The following ENTREP2 variants were observed in gnomAD, a reference collection of about 807,000 sequenced individuals.
ENTREP2 encodes the protein protein ENTREP2.
chr15:29,514,162 A>C, the ENTREP2 span, among the ~76,000 whole-genome samples: 1 of 152,182 alleles, frequency 6.6e-6, no homozygotes, highest in East Asian at 1.9e-4. Context: ...ACCCTGTTTG[A>C]CAACAGATCT....
the ENTREP2 span, among the ~76,000 whole-genome samples, chr15:29,151,478 C>T: frequency 1.3e-5 from 2 of 152,204 alleles, no homozygotes; most frequent in African/African-American, 4.8e-5. Context: ...CTCAAGGGCA[C>T]ATGCCAGGGG....
chr15:29,598,984 C>T, the ENTREP2 span, among the ~76,000 whole-genome samples: 6 of 152,226 alleles, frequency 3.9e-5, no homozygotes, highest in East Asian at 1.9e-4. Flanking sequence ...GCATGAGCCA[C>T]GGCGCCTGGC....
chr15:29,351,176 T>C, the ENTREP2 span, among the ~76,000 whole-genome samples: 1 of 152,216 alleles, frequency 6.6e-6, no homozygotes, highest in Non-Finnish European at 1.5e-5. Context: ...TGTAGCCTAT[T>C]GCTCCTGGGC....
the ENTREP2 span, among the ~76,000 whole-genome samples, chr15:29,144,884 A>G: frequency 6.6e-6 from 1 of 151,842 alleles, no homozygotes; most frequent in African/African-American, 2.4e-5. Flanking sequence ...TACTAAAAAT[A>G]AAAAAAATAA....
the ENTREP2 span, among the ~76,000 whole-genome samples, chr15:29,581,159 T>A: frequency 2.6e-5 from 4 of 152,168 alleles, no homozygotes; most frequent in Admixed American, 2.0e-4. Context: ...GATTTAGTGA[T>A]GTAAGTGTGG....
At chr15:29,230,244 C>A in the ENTREP2 span, among the ~76,000 whole-genome samples, 1 of 152,170 alleles carries the variant, frequency 6.6e-6, no homozygotes, top group Admixed American at 6.5e-5. Flanking sequence ...CGTTTCCAAT[C>A]TTATTTCTTC....
At chr15:29,536,898 G>C in the ENTREP2 span, among the ~76,000 whole-genome samples, 1 of 152,082 alleles carries the variant, frequency 6.6e-6, no homozygotes, top group Admixed American at 6.6e-5. Flanking sequence ...ACCACCAGAA[G>C]CCAGGAGAAA....
chr15:29,543,023 C>T, the ENTREP2 span, among the ~76,000 whole-genome samples: 1 of 152,196 alleles, frequency 6.6e-6, no homozygotes, highest in South Asian at 2.1e-4. Flanking sequence ...TTGGTTGATG[C>T]TGTTATGAAC....
the ENTREP2 span, among the ~76,000 whole-genome samples, chr15:29,287,664 G>A: frequency 2.6e-5 from 4 of 152,132 alleles, no homozygotes; most frequent in East Asian, 3.8e-4. Context: ...GACATGCTAC[G>A]GTAAAGATAT....
chr15:29,474,421 A>G, the ENTREP2 span, among the ~76,000 whole-genome samples: 2,064 of 152,232 alleles, frequency 0.014, 38 homozygotes, highest in African/African-American at 0.047. Flanking sequence ...AACACATTAA[A>G]ACACAAATGA....
chr15:29,422,836 T>C, the ENTREP2 span, among the ~76,000 whole-genome samples: 2 of 152,174 alleles, frequency 1.3e-5, no homozygotes, highest in Non-Finnish European at 2.9e-5. Flanking sequence ...GGATGGAACT[T>C]GTACTCCATG....
the ENTREP2 span, among the ~76,000 whole-genome samples, chr15:29,599,774 T>A: frequency 6.6e-6 from 1 of 152,202 alleles, no homozygotes; most frequent in Non-Finnish European, 1.5e-5. Context: ...GTCAACTTTT[T>A]CAAGTTCAAA....
At chr15:29,618,360 T>C in the ENTREP2 span, among the ~76,000 whole-genome samples, 1 of 151,072 alleles carries the variant, frequency 6.6e-6, no homozygotes, top group African/African-American at 2.4e-5. Context: ...GAGGCGGAGG[T>C]TGCAGTGAGC....
the ENTREP2 span, among the ~76,000 whole-genome samples, chr15:29,388,602 C>A: frequency 6.6e-6 from 1 of 152,296 alleles, no homozygotes; most frequent in Non-Finnish European, 1.5e-5. Context: ...TTGACCCAGA[C>A]ATCCCATTAC....
At chr15:29,227,537 G>C in the ENTREP2 span, among the ~76,000 whole-genome samples, 1 of 152,144 alleles carries the variant, frequency 6.6e-6, no homozygotes, top group African/African-American at 2.4e-5. Flanking sequence ...TCATCAGCTG[G>C]GTGGTCGCTG....
the ENTREP2 span, among the ~76,000 whole-genome samples, chr15:29,570,178 T>G: frequency 6.6e-6 from 1 of 151,056 alleles, no homozygotes; most frequent in Non-Finnish European, 1.5e-5. Flanking sequence ...GGCGAGGTCG[T>G]GTCCCCGGCG....
chr15:29,387,323 T>A, the ENTREP2 span, among the ~76,000 whole-genome samples: 1 of 152,116 alleles, frequency 6.6e-6, no homozygotes, highest in Non-Finnish European at 1.5e-5. Context: ...ATATGTTGAA[T>A]AACAGACAAA....
the ENTREP2 span, among the ~76,000 whole-genome samples, chr15:29,446,044 C>T: frequency 4.5e-4 from 68 of 152,276 alleles, 1 homozygote; most frequent in African/African-American, 1.4e-3. Flanking sequence ...TTCTATATCT[C>T]GAACAGTGCC....
At chr15:29,633,920 C>T in the ENTREP2 span, among the ~76,000 whole-genome samples, 3,203 of 152,112 alleles carry the variant, frequency 0.021, 121 homozygotes, top group African/African-American at 0.074. Flanking sequence ...GATCGTGCCT[C>T]TGCACTCCAG....
Sources: allele counts gnomAD v4.1 joint callset (sites outside exome capture counted in the v4.1 genomes callset), GRCh38; gene constraint gnomAD v4.1.1; transcripts MANE v1.5; gene names NCBI Gene and HGNC (gene_info 2026-07-23, HGNC 2026-07-21).